The following NCR2 variants were observed in gnomAD, a reference collection of about 807,000 sequenced individuals.
NCR2 encodes natural cytotoxicity triggering receptor 2.
Under a neutral mutation model 30.7 loss-of-function variants are expected in NCR2, and 35 were observed. The observed-to-expected ratio is 1.14, with a 90% CI of 0.87 to 1.51. The LOEUF (loss-of-function observed/expected upper bound fraction) is 1.51, where lower values mean the gene tolerates loss of function less well. Ranked by LOEUF, NCR2 falls within the 40% of genes most tolerant of loss-of-function variation. The pLI is 0.00. For missense variants in NCR2, 316 were observed against 328.9 expected (o/e 0.96, Z 0.30); for synonymous variants, 146 against 134.8 (o/e 1.08, Z -0.58).
chr6:41,337,368 T>C (rs951599785), intron 2 of NCR2, among the ~76,000 whole-genome samples: 2 of 152,238 alleles, frequency 1.3e-5, no homozygotes, highest in African/African-American at 2.4e-5. Flanking sequence ...TAAAGGTGAT[T>C]GATGTAGTGG....
chr6:41,336,212 G>C lies in NCR2; in HGVS notation c.178G>C (p.Ala60Pro). ...GAAAGGCTGGTGTAAGGAGGCTTCAGCACTTGTGTGCATCAGGTTAGTCAC... is the reference window on the plus strand; with the variant it reads ...GAAAGGCTGGTGTAAGGAGGCTTCACCACTTGTGTGCATCAGGTTAGTCAC... The part of the protein sequence containing the change: ...EKKGWCKEAS[A>P]LVCIRLVTSS... Residue 60 changes from alanine (A) to proline (P), a missense_variant, in exon 2 of 5, where the codon GCA becomes CCA. By Grantham distance (27) the Ala-to-Pro change is conservative. Coordinates refer to ENST00000373089, the MANE Select transcript of NCR2 (RefSeq NM_004828.4). 1 of 1,614,198 alleles carries C rather than the reference G, an allele frequency of 6.2e-7. No homozygotes were observed. Among genetic ancestry groups the C allele is most frequent in the African/African-American group, 1.3e-5 (1 of 75,056 alleles).
At chr6:41,347,747 T>G (rs565949036) in intron 4 of NCR2, among the ~76,000 whole-genome samples, 20 of 152,302 alleles carry the variant, frequency 1.3e-4, no homozygotes, top group Admixed American at 2.6e-4. Context: ...GATGGGGGTG[T>G]GATCAGAAAT....
At chr6:41,337,600 T>C (rs1013655986) in intron 2 of NCR2, among the ~76,000 whole-genome samples, 2 of 152,230 alleles carry the variant, frequency 1.3e-5, no homozygotes, top group Non-Finnish European at 2.9e-5. Context: ...ACTTAGGAGA[T>C]AATGTATAAA....
rs149535783 is a variant in NCR2, at chr6:41,336,289, C to T, written c.255C>T (p.Asp85=). The part of the protein sequence containing the change: ...MAWTSRFTIW[D]DPDAGFFTVT... ...GGACCTCTCGATTCACAATCTGGGA[C>T]GACCCTGATGCTGGCTTCTTCACTG... Residue 85 remains aspartate (D), a synonymous_variant, in exon 2 of 5, where the codon GAC becomes GAT. Transcript: ENST00000373089. 112 of 1,613,910 alleles carry T rather than the reference C, an allele frequency of 6.9e-5. 1 individual carries two copies. Among genetic ancestry groups the T allele is most frequent in the South Asian group, 5.9e-4 (54 of 91,084 alleles).
intron 4 of NCR2, among the ~76,000 whole-genome samples, chr6:41,344,790 T>C (rs566528293): frequency 5.3e-4 from 80 of 152,374 alleles, no homozygotes; most frequent in African/African-American, 1.8e-3. Flanking sequence ...CTGGAAACCT[T>C]TGCCGCTTCT....
At chr6:41,346,360 A>C (rs1769299319) in intron 4 of NCR2, among the ~76,000 whole-genome samples, 2 of 148,832 alleles carry the variant, frequency 1.3e-5, no homozygotes, top group Admixed American at 6.7e-5. Flanking sequence ...TCTCATTCCC[A>C]CCACCCCCTA....
chr6:41,348,546 C>G (rs925451685), intron 4 of NCR2, among the ~76,000 whole-genome samples: 9 of 152,186 alleles, frequency 5.9e-5, no homozygotes, highest in African/African-American at 2.2e-4. Flanking sequence ...AGACACTGCT[C>G]AACTCCTACC....
At chr6:41,348,189 C>A (rs1000356073) in intron 4 of NCR2, among the ~76,000 whole-genome samples, 2 of 152,156 alleles carry the variant, frequency 1.3e-5, no homozygotes, top group African/African-American at 4.8e-5. Flanking sequence ...ATTTACATTC[C>A]TCCCACATGC....
chr6:41,343,953 CCAA>C (rs1400753902), intron 4 of NCR2, among the ~76,000 whole-genome samples: 1 of 152,050 alleles, frequency 6.6e-6, no homozygotes, highest in Non-Finnish European at 1.5e-5. Flanking sequence ...CTGGGTCACC[CCAA>C]CGTTTCCCTC....
At chr6:41,345,643 C>G (rs952603698) in intron 4 of NCR2, among the ~76,000 whole-genome samples, 6 of 152,056 alleles carry the variant, frequency 3.9e-5, no homozygotes, top group African/African-American at 1.4e-4. Context: ...CCTCTTGGTG[C>G]CTTATTATAT....
intron 4 of NCR2, among the ~76,000 whole-genome samples, chr6:41,350,345 C>T (rs1243830728): frequency 1.3e-5 from 2 of 152,050 alleles, no homozygotes; most frequent in Non-Finnish European, 2.9e-5. Flanking sequence ...TCTGCCTTTC[C>T]AGAGCTTACT....
intron 2 of NCR2, among the ~76,000 whole-genome samples, chr6:41,337,562 A>C (rs751361948): frequency 1.3e-5 from 2 of 152,196 alleles, no homozygotes; most frequent in Non-Finnish European, 2.9e-5. Context: ...AACTTTCCTA[A>C]TCTGAGAACT....
At chr6:41,342,393 T>C (rs1160504650) in intron 4 of NCR2, among the ~76,000 whole-genome samples, 12 of 151,942 alleles carry the variant, frequency 7.9e-5, no homozygotes, top group Non-Finnish European at 1.8e-4. Flanking sequence ...TTCTCCTCTC[T>C]CTCTCCCTCT....
chr6:41,342,014 T>TTCCTG, intron 3 of NCR2, 22 bp from the exon 4 acceptor site: 1 of 1,613,892 alleles, frequency 6.2e-7, no homozygotes, highest in Non-Finnish European at 8.5e-7. Flanking sequence ...TCCTCTCCCC[T>TTCCTG]TCCTGTCCCT....
At chr6:41,344,495 T>G (rs1402375413) in intron 4 of NCR2, among the ~76,000 whole-genome samples, 1 of 152,234 alleles carries the variant, frequency 6.6e-6, no homozygotes, top group Non-Finnish European at 1.5e-5. Context: ...TCATCTATTT[T>G]TCTTTATTCC....
chr6:41,350,708 G>T lies in NCR2; in HGVS notation c.675G>T (p.Glu225Asp). 1.2e-6 allele frequency: 2 copies of T among 1,613,986 alleles called. No individual in the cohort carries two copies. Among genetic ancestry groups the T allele is most frequent in the Non-Finnish European group, 1.7e-6 (2 of 1,179,942 alleles). Residue 225 changes from glutamate to aspartate, a missense_variant, in exon 5 of 5, where the codon GAG (glutamate) becomes GAT (aspartate). Physicochemically the swap from Glu to Asp is conservative, Grantham distance 45. Coordinates refer to ENST00000373089, the MANE Select transcript of NCR2 (RefSeq NM_004828.4). The stretch of plus-strand genomic sequence containing the variant: ...ACATATGGTGGAAAACCATGATGGA[G>T]CTCAGGAGCCTGGATACCCAAAAAG... Reference protein sequence around the residue: ...WGDIWWKTMMELRSLDTQKAT... With the variant: ...WGDIWWKTMMDLRSLDTQKAT...
chr6:41,349,507 C>T (rs999080125), intron 4 of NCR2, among the ~76,000 whole-genome samples: 1 of 152,196 alleles, frequency 6.6e-6, no homozygotes, highest in Non-Finnish European at 1.5e-5. Flanking sequence ...TTGGAACTTT[C>T]ACCCCACCTC....
chr6:41,344,773 G>C (rs527660910), intron 4 of NCR2, among the ~76,000 whole-genome samples: 1 of 152,142 alleles, frequency 6.6e-6, no homozygotes, highest in Non-Finnish European at 1.5e-5. Flanking sequence ...TCTTTCTTCA[G>C]AGCTTTCTGG....
chr6:41,340,571 A>T (rs1233723765), intron 2 of NCR2, among the ~76,000 whole-genome samples: 1 of 152,162 alleles, frequency 6.6e-6, no homozygotes, highest in Non-Finnish European at 1.5e-5. Context: ...ACAACACCCA[A>T]GCTGGTCTAT....
Sources: allele counts gnomAD v4.1 joint callset (sites outside exome capture counted in the v4.1 genomes callset), GRCh38; gene constraint gnomAD v4.1.1; transcripts MANE v1.5; gene names NCBI Gene and HGNC (gene_info 2026-07-23, HGNC 2026-07-21).